Variants in FGF12 observed in about 807,000 individuals in gnomAD.
FGF12 encodes fibroblast growth factor 12.
A neutral mutation model predicts 23.6 loss-of-function variants in FGF12; 14 were observed. The ratio of observed to expected loss-of-function variants is 0.59; its 90% CI spans 0.39 to 0.93. The LOEUF (loss-of-function observed/expected upper bound fraction) is 0.93. FGF12 is among the 40% of genes least tolerant of loss of function. The pLI is 0.00. For missense variants in FGF12, 175 were observed against 217.8 expected (o/e 0.80, Z 1.24); for synonymous variants, 62 against 77.3 (o/e 0.80, Z 1.04).
chr3:192,618,767 A>G (rs1310672480), intron 2 of FGF12, among the ~76,000 whole-genome samples: 1 of 140,632 alleles, frequency 7.1e-6, no homozygotes, highest in Non-Finnish European at 1.6e-5. Flanking sequence ...CTATCTTATA[A>G]TACTAAAAAA....
chr3:192,167,752 TATATATATATATATATAAAA>T (rs1560175582), intron 5 of FGF12, among the ~76,000 whole-genome samples: 27 of 27,524 alleles, frequency 9.8e-4, no homozygotes, highest in South Asian at 3.5e-3. Context: ...TATATATATA[TATATATATATATATATAAAA>T]TTTTTTTTTT....
chr3:192,642,001 G>A (rs1339354974), intron 2 of FGF12, among the ~76,000 whole-genome samples: 2 of 152,188 alleles, frequency 1.3e-5, no homozygotes, highest in Non-Finnish European at 2.9e-5. Context: ...ATGTGTGTCT[G>A]CAAACAGCGT....
intron 2 of FGF12, among the ~76,000 whole-genome samples, chr3:192,680,552 G>A (rs1018411074): frequency 4.6e-5 from 7 of 152,074 alleles, no homozygotes; most frequent in South Asian, 2.1e-4. Flanking sequence ...GGACTGGAGC[G>A]GACAGAAGAA....
chr3:192,661,231 A>T (rs1032418838), intron 2 of FGF12, among the ~76,000 whole-genome samples: 1 of 152,180 alleles, frequency 6.6e-6, no homozygotes, highest in African/African-American at 2.4e-5. Context: ...ACTATAAAAA[A>T]ATTAAATAGG....
At chr3:192,546,881 C>G (rs1407050953) in intron 2 of FGF12, among the ~76,000 whole-genome samples, 1 of 152,038 alleles carries the variant, frequency 6.6e-6, no homozygotes, top group Non-Finnish European at 1.5e-5. Flanking sequence ...AAAACCCCAT[C>G]TCTACTAAAA....
At chr3:192,547,045 G>A (rs758415174) in intron 2 of FGF12, among the ~76,000 whole-genome samples, 9 of 151,882 alleles carry the variant, frequency 5.9e-5, no homozygotes, top group Admixed American at 3.3e-4. Context: ...AGTGAGACCC[G>A]GTCTCAAAAA....
intron 2 of FGF12, among the ~76,000 whole-genome samples, chr3:192,678,515 A>T (rs1717407072): frequency 6.6e-6 from 1 of 152,164 alleles, no homozygotes; most frequent in African/African-American, 2.4e-5. Context: ...CTTATGCTCT[A>T]ACCAGGAAAC....
intron 4 of FGF12, among the ~76,000 whole-genome samples, chr3:192,241,936 C>T (rs994020): frequency 0.33 from 50,088 of 151,940 alleles, 9,421 homozygotes; most frequent in East Asian, 0.89. Context: ...AAAAAGAGAT[C>T]AAGACCAAAA....
At chr3:192,463,941 T>G (rs1364520832) in intron 2 of FGF12, among the ~76,000 whole-genome samples, 1 of 152,180 alleles carries the variant, frequency 6.6e-6, no homozygotes, top group African/African-American at 2.4e-5. Flanking sequence ...CCCGGCTCAC[T>G]GGTGAAGCTC....
intron 4 of FGF12, among the ~76,000 whole-genome samples, chr3:192,293,599 T>A (rs906359849): frequency 2.6e-5 from 4 of 152,218 alleles, no homozygotes; most frequent in East Asian, 3.9e-4. Context: ...AGCCTCAGTA[T>A]ACTGGGCTTC....
chr3:192,396,847 T>A (rs774357882), intron 2 of FGF12, among the ~76,000 whole-genome samples: 1 of 152,178 alleles, frequency 6.6e-6, no homozygotes, highest in Non-Finnish European at 1.5e-5. Context: ...AGCTTCAGAC[T>A]GAATGTAATT....
At chr3:192,589,502 G>A (rs1713535058) in intron 2 of FGF12, among the ~76,000 whole-genome samples, 1 of 151,872 alleles carries the variant, frequency 6.6e-6, no homozygotes, top group Admixed American at 6.6e-5. Flanking sequence ...TAGCTAACAA[G>A]AGGAAAAACA....
chr3:192,239,382 G>A (rs1719478055), intron 4 of FGF12, among the ~76,000 whole-genome samples: 1 of 152,174 alleles, frequency 6.6e-6, no homozygotes, highest in Non-Finnish European at 1.5e-5. Flanking sequence ...ACTGAATTGT[G>A]GTGAACAGAG....
intron 2 of FGF12, among the ~76,000 whole-genome samples, chr3:192,500,671 C>CTGCTCCTCCTACTATGACTGAATA (rs1724108380): frequency 6.6e-6 from 1 of 152,216 alleles, no homozygotes. Context: ...CCAAGCAAGA[C>CTGCTCCTCCTACTATGACTGAATA]TGCTCCTCCT....
At position 192,190,239 on chromosome 3, in the gene FGF12, A is replaced by G. The variant is rs1346182786; in HGVS notation, c.229-19583T>C. ...ATCTTCCCATAACAAGCATACAAACAAAAACACCTTTTATAAATTGCAACT... is the reference window on the plus strand; with the variant it reads ...ATCTTCCCATAACAAGCATACAAACGAAAACACCTTTTATAAATTGCAACT... On this transcript the variant is annotated intron_variant, in intron 4 of 5. Coordinates refer to ENST00000445105, the MANE Select transcript of FGF12 (RefSeq NM_004113.6). Among the ~76,000 whole-genome samples the G allele has an allele frequency of 3.9e-5, 6 of 152,272 alleles. No homozygotes were observed. The East Asian group carries it at 1.2e-3, about 29-fold the overall frequency.
At chr3:192,372,507 A>T (rs1719282014) in intron 2 of FGF12, among the ~76,000 whole-genome samples, 1 of 152,116 alleles carries the variant, frequency 6.6e-6, no homozygotes, top group Admixed American at 6.5e-5. Flanking sequence ...AGCTCCAAGA[A>T]CACATCCATC....
chr3:192,227,011 C>T (rs777735183), intron 4 of FGF12, among the ~76,000 whole-genome samples: 3 of 152,054 alleles, frequency 2.0e-5, no homozygotes, highest in Non-Finnish European at 2.9e-5. Flanking sequence ...ACAAAAGGGC[C>T]GTCCAAGAAC....
chr3:192,710,704 A>T (rs1468641237), intron 2 of FGF12, among the ~76,000 whole-genome samples: 1 of 152,238 alleles, frequency 6.6e-6, no homozygotes, highest in East Asian at 1.9e-4. Context: ...TCTCCCAAAC[A>T]TCAAGCATCT....
At chr3:192,374,855 C>T (rs893266157) in intron 2 of FGF12, among the ~76,000 whole-genome samples, 3 of 152,198 alleles carry the variant, frequency 2.0e-5, no homozygotes, top group Non-Finnish European at 4.4e-5. Context: ...CAACCAGGTA[C>T]TCATCACCCA....
Sources: gnomAD v4.1 joint callset for allele counts (sites outside exome capture counted in the v4.1 genomes callset) on GRCh38, gnomAD v4.1.1 for gene constraint, MANE v1.5 for transcripts, NCBI Gene and HGNC (gene_info 2026-07-23, HGNC 2026-07-21) for gene names.